Variants in FBXW4 observed in about 807,000 individuals in gnomAD.
The protein encoded by FBXW4 is F-box and WD repeat domain containing 4.
FBXW4 carries 40 observed loss-of-function variants against 61.8 expected under a neutral mutation model. The observed-to-expected ratio is 0.65, with a 90% CI of 0.50 to 0.84. The LOEUF (loss-of-function observed/expected upper bound fraction) is 0.84. FBXW4 is among the 40% of genes least tolerant of loss of function. The pLI, the probability that FBXW4 is intolerant of heterozygous loss-of-function variation, is 0.00. For synonymous variants in FBXW4, 311 were observed against 313.8 expected (o/e 0.99, Z 0.10); for missense variants, 672 against 753.8 (o/e 0.89, Z 1.27).
At chr10:101,693,790 A>G (rs2064636877) in intron 1 of FBXW4, among the ~76,000 whole-genome samples, 1 of 152,200 alleles carries the variant, frequency 6.6e-6, no homozygotes, top group South Asian at 2.1e-4. Context: ...CATCCTGGAC[A>G]GACTCCAGCC....
At chr10:101,682,346 T>C (rs1210789694) in intron 1 of FBXW4, among the ~76,000 whole-genome samples, 1 of 152,154 alleles carries the variant, frequency 6.6e-6, no homozygotes, top group African/African-American at 2.4e-5. Flanking sequence ...TAGAGCCACC[T>C]ACACTACCAG....
At chr10:101,662,720 G>A (rs150515781) in intron 5 of FBXW4, among the ~76,000 whole-genome samples, 1 of 152,204 alleles carries the variant, frequency 6.6e-6, no homozygotes, top group Non-Finnish European at 1.5e-5. Context: ...GCAGAGGGAC[G>A]AGGAGCTGTG....
At chr10:101,625,698 T>C (rs750585091) in intron 5 of FBXW4, 7 of 152,204 alleles carry the variant, frequency 4.6e-5, no homozygotes, top group Non-Finnish European at 8.8e-5. Flanking sequence ...TTAGAGGATT[T>C]GGTAGGGTGG....
At chr10:101,629,603 CAT>C (rs2063935254) in intron 5 of FBXW4, among the ~76,000 whole-genome samples, 1 of 151,948 alleles carries the variant, frequency 6.6e-6, no homozygotes, top group Admixed American at 6.6e-5. Context: ...CTATTTTACA[CAT>C]GAGGAGACTG....
At chr10:101,622,702 T>C (rs2063876562) in intron 6 of FBXW4, among the ~76,000 whole-genome samples, 1 of 119,694 alleles carries the variant, frequency 8.4e-6, no homozygotes, top group Admixed American at 1.2e-4. Flanking sequence ...CACTCCAGCC[T>C]GGGCGACATA....
chr10:101,643,352 C>A (rs771164514), intron 5 of FBXW4, among the ~76,000 whole-genome samples: 19 of 152,206 alleles, frequency 1.2e-4, no homozygotes, highest in Non-Finnish European at 2.4e-4. Flanking sequence ...TGGGATTTGG[C>A]CCCTGGGAAG....
At position 101,673,026 on chromosome 10, in the gene FBXW4, A is replaced by T. The variant is rs1237922978; in HGVS notation, c.1029T>A (p.His343Gln). Residue 343 changes from histidine (H) to glutamine (Q), a missense_variant, in exon 4 of 9, where the codon CAT becomes CAA. Coordinates refer to ENST00000331272, the MANE Select transcript of FBXW4 (RefSeq NM_022039.4). The part of the protein sequence containing the change: ...SAGGDGKIGI[H>Q]KIHSTFTVKY... ...TGACAGTGAAGGTGCTGTGAATCTT[A>T]TGAATGCCAATCTTCCCATCCCTAG... 1 of 1,613,950 alleles carries T rather than the reference A, an allele frequency of 6.2e-7. No homozygotes were observed.
At chr10:101,612,020 C>T (rs955076765) in intron 7 of FBXW4, among the ~76,000 whole-genome samples, 2 of 152,270 alleles carry the variant, frequency 1.3e-5, no homozygotes, top group African/African-American at 4.8e-5. Flanking sequence ...TGGCCAGCTA[C>T]TTGTCACTGG....
chr10:101,685,353 C>A (rs1349654587), intron 1 of FBXW4, among the ~76,000 whole-genome samples: 1 of 152,202 alleles, frequency 6.6e-6, no homozygotes, highest in African/African-American at 2.4e-5. Context: ...AAAAGTGGCT[C>A]TCAACCATCA....
At chr10:101,614,288 G>A (rs933968361) in intron 6 of FBXW4, among the ~76,000 whole-genome samples, 4 of 152,204 alleles carry the variant, frequency 2.6e-5, no homozygotes, top group Non-Finnish European at 4.4e-5. Context: ...GAAAGGCAGT[G>A]GGGGTTGGGA....
intron 5 of FBXW4, among the ~76,000 whole-genome samples, chr10:101,648,223 C>T (rs1287107214): frequency 6.6e-6 from 1 of 152,134 alleles, no homozygotes; most frequent in Non-Finnish European, 1.5e-5. Flanking sequence ...TAAGCATAGA[C>T]TTGTAGTGAA....
In FBXW4 at chr10:101,694,545, C is replaced by G; in HGVS notation, c.561G>C (p.Pro187=). 1 of 1,491,738 alleles carries G rather than the reference C, an allele frequency of 6.7e-7. No individual in the cohort carries two copies. The highest frequency in any genetic ancestry group is 8.9e-7 in the Non-Finnish European group (1 of 1,128,750). 92.4% of individuals were successfully genotyped at this position (1,491,738 alleles called of 1,614,324 possible). ...AGCAGATGAGCAGCAGCAGCTCCTC[C>G]GGCAGGCGCCAGAGCGCAGGCCCCG... ...PAAGPALWRL[P]EELLLLICSY... Residue 187 remains proline, a synonymous_variant, in exon 1 of 9, where the codon CCG becomes CCC. Transcript: ENST00000331272. The surrounding 1 kb of genome is among the most constrained non-coding windows in gnomAD (Gnocchi z 6.0).
Position 101,685,169 on chromosome 10 carries a change from A to C in FBXW4, c.726-8733T>G, listed in dbSNP as rs139215716. Among the ~76,000 whole-genome samples the C allele has an allele frequency of 2.6e-3, 394 of 152,278 alleles. 3 individuals carry two copies. The highest frequency in any genetic ancestry group is 4.8e-3 in the Non-Finnish European group (328 of 68,028). On this transcript the variant is annotated intron_variant, in intron 1 of 8. Transcript: ENST00000331272. ...ACTAGTCAAATTCATCCATTCTTTAAAATCTAGATAAAGCCTCTACTTCTG... is the reference window on the plus strand; with the variant it reads ...ACTAGTCAAATTCATCCATTCTTTACAATCTAGATAAAGCCTCTACTTCTG...
At chr10:101,640,149 C>T (rs1284699283) in intron 5 of FBXW4, among the ~76,000 whole-genome samples, 2 of 152,208 alleles carry the variant, frequency 1.3e-5, no homozygotes, top group African/African-American at 2.4e-5. Flanking sequence ...GAAACAGAAC[C>T]ACACAGGCTG....
chr10:101,636,167 T>C (rs545384034), intron 5 of FBXW4, among the ~76,000 whole-genome samples: 8 of 152,026 alleles, frequency 5.3e-5, no homozygotes, highest in African/African-American at 1.4e-4. Context: ...CTGGCCAACA[T>C]GGTGAAACCC....
intron 1 of FBXW4, among the ~76,000 whole-genome samples, chr10:101,682,216 A>G (rs1202362625): frequency 6.6e-6 from 1 of 152,216 alleles, no homozygotes; most frequent in Non-Finnish European, 1.5e-5. Flanking sequence ...TTCCTCCAAT[A>G]TCAAACATTT....
At chr10:101,622,572 C>T (rs1236714628) in intron 6 of FBXW4, among the ~76,000 whole-genome samples, 1 of 151,616 alleles carries the variant, frequency 6.6e-6, no homozygotes, top group Non-Finnish European at 1.5e-5. Flanking sequence ...CTAAAAGATA[C>T]AAAAAATTAG....
intron 4 of FBXW4, among the ~76,000 whole-genome samples, chr10:101,670,781 C>T (rs1310829933): frequency 6.6e-6 from 1 of 152,216 alleles, no homozygotes; most frequent in Non-Finnish European, 1.5e-5. Context: ...ACCAGCTGTT[C>T]ACATCTCAGG....
intron 5 of FBXW4, among the ~76,000 whole-genome samples, chr10:101,627,398 G>C (rs936653238): frequency 6.6e-6 from 1 of 152,070 alleles, no homozygotes; most frequent in African/African-American, 2.4e-5. Context: ...AGCAGATTTT[G>C]AGCAAACACT....
Sources: gnomAD v4.1 joint callset for allele counts (sites outside exome capture counted in the v4.1 genomes callset) on GRCh38, gnomAD v4.1.1 for gene constraint, Gnocchi (gnomAD v3.1) non-coding constraint, MANE v1.5 for transcripts, NCBI Gene and HGNC (gene_info 2026-07-23, HGNC 2026-07-21) for gene names.